The following PPM1L variants were observed in gnomAD, a reference collection of about 807,000 sequenced individuals.
PPM1L encodes the protein protein phosphatase, Mg2+/Mn2+ dependent 1L.
In PPM1L, 13 loss-of-function variants were observed where a neutral mutation model predicts 31.4. The observed-to-expected ratio is 0.41, with a 90% confidence interval of 0.27 to 0.66. The LOEUF (loss-of-function observed/expected upper bound fraction) is 0.66. Ranked by LOEUF, PPM1L falls within the 30% of genes least tolerant of loss-of-function variation. The pLI is 0.29. For synonymous variants in PPM1L, 184 were observed against 175.4 expected (o/e 1.05, Z -0.39); for missense variants, 326 against 453.7 (o/e 0.72, Z 2.56).
At position 160,806,289 on chromosome 3, in the gene PPM1L, C is replaced by A. The variant is rs192945278; in HGVS notation, c.399+49582C>A. 2.7e-4 allele frequency among the ~76,000 whole-genome samples: 41 copies of A among 152,278 alleles called. No homozygotes were observed. In the East Asian group the frequency reaches 6.9e-3, roughly 26 times the overall value. On this transcript the variant is annotated intron_variant, in intron 1 of 3. Transcript: ENST00000498165. ...TCCTGGTTGACTCATACTTAGCTTA[C>A]AAGACCCAGCCTGATCATAGTGCTT...
At chr3:160,797,672 C>A (rs796914801) in intron 1 of PPM1L, among the ~76,000 whole-genome samples, 11 of 152,178 alleles carry the variant, frequency 7.2e-5, no homozygotes, top group Non-Finnish European at 1.2e-4. Context: ...AGTAAGACAG[C>A]CTTCTTGCCA....
chr3:160,828,213 G>A (rs375026776), intron 1 of PPM1L, among the ~76,000 whole-genome samples: 16 of 152,084 alleles, frequency 1.1e-4, no homozygotes, highest in African/African-American at 3.6e-4. Context: ...TAGTGCTTAA[G>A]CATCTTTACA....
intron 2 of PPM1L, among the ~76,000 whole-genome samples, chr3:160,991,469 C>G (rs1469498763): frequency 6.6e-6 from 1 of 152,138 alleles, no homozygotes; most frequent in East Asian, 1.9e-4. Context: ...GGAAAGAAGA[C>G]TCTCAATTAC....
chr3:160,859,854 G>A (rs988889288), intron 1 of PPM1L, among the ~76,000 whole-genome samples: 1 of 152,168 alleles, frequency 6.6e-6, no homozygotes, highest in Non-Finnish European at 1.5e-5. Context: ...GGTTTATGAG[G>A]TGGTGATGTC....
chr3:160,851,975 A>T (rs1196776491), intron 1 of PPM1L, among the ~76,000 whole-genome samples: 1 of 152,188 alleles, frequency 6.6e-6, no homozygotes, highest in Non-Finnish European at 1.5e-5. Context: ...GATAATTAGA[A>T]CTTTGATGAA....
At chr3:160,960,109 T>C (rs1411858031) in intron 1 of PPM1L, among the ~76,000 whole-genome samples, 3 of 152,036 alleles carry the variant, frequency 2.0e-5, no homozygotes, top group African/African-American at 7.2e-5. Context: ...TACTACTCTA[T>C]AAATGAAAAA....
At chr3:160,901,906 G>A (rs1018854081) in intron 1 of PPM1L, among the ~76,000 whole-genome samples, 3 of 151,930 alleles carry the variant, frequency 2.0e-5, no homozygotes, top group Non-Finnish European at 2.9e-5. Context: ...TTGTTTTTGC[G>A]TAAGTTGGTC....
At chr3:160,792,124 T>A (rs759329046) in intron 1 of PPM1L, among the ~76,000 whole-genome samples, 2 of 152,140 alleles carry the variant, frequency 1.3e-5, no homozygotes, top group African/African-American at 2.4e-5. Flanking sequence ...AAGAAAGAAA[T>A]CCTTACTTTT....
intron 2 of PPM1L, among the ~76,000 whole-genome samples, chr3:160,984,977 G>A (rs1716918332): frequency 6.6e-6 from 1 of 152,118 alleles, no homozygotes; most frequent in Admixed American, 6.5e-5. Flanking sequence ...ATTCTATAAT[G>A]CACAGGACAG....
At chr3:161,006,353 A>G (rs1468144235) in intron 2 of PPM1L, among the ~76,000 whole-genome samples, 1 of 152,132 alleles carries the variant, frequency 6.6e-6, no homozygotes, top group African/African-American at 2.4e-5. Context: ...GGCTGAGGGA[A>G]GGGGGAATAG....
chr3:160,913,689 C>T (rs1007982843), intron 1 of PPM1L, among the ~76,000 whole-genome samples: 3 of 152,064 alleles, frequency 2.0e-5, no homozygotes, highest in Admixed American at 6.6e-5. Context: ...GGGGATTCAG[C>T]ATAATGTTTT....
chr3:160,809,953 G>T (rs2108083728), intron 1 of PPM1L, among the ~76,000 whole-genome samples: 1 of 151,956 alleles, frequency 6.6e-6, no homozygotes, highest in East Asian at 1.9e-4. Context: ...GTAAAAAGAG[G>T]GTACTGTTTC....
chr3:160,938,335 C>A (rs1240292686), intron 1 of PPM1L, among the ~76,000 whole-genome samples: 3 of 152,154 alleles, frequency 2.0e-5, no homozygotes, highest in Non-Finnish European at 2.9e-5. Flanking sequence ...TTCAATGATA[C>A]ATGAAAATAT....
At chr3:160,845,708 T>G (rs1272441994) in intron 1 of PPM1L, among the ~76,000 whole-genome samples, 1 of 152,046 alleles carries the variant, frequency 6.6e-6, no homozygotes, top group Non-Finnish European at 1.5e-5. Flanking sequence ...TTCTAAAAAT[T>G]ATATAGGTTT....
intron 1 of PPM1L, among the ~76,000 whole-genome samples, chr3:160,923,574 A>G (rs1421259983): frequency 6.6e-6 from 1 of 152,198 alleles, no homozygotes; most frequent in Non-Finnish European, 1.5e-5. Flanking sequence ...TTCTTCTCTC[A>G]CTATTGCTCT....
intron 1 of PPM1L, among the ~76,000 whole-genome samples, chr3:160,944,056 G>C (rs891745139): frequency 1.3e-5 from 2 of 152,048 alleles, no homozygotes; most frequent in Non-Finnish European, 1.5e-5. Context: ...GATCATCCTT[G>C]TTTATGGACT....
At chr3:160,840,597 A>G (rs1182025574) in intron 1 of PPM1L, among the ~76,000 whole-genome samples, 1 of 151,948 alleles carries the variant, frequency 6.6e-6, no homozygotes, top group African/African-American at 2.4e-5. Flanking sequence ...GCCTGGTGTA[A>G]CTCTCAATCT....
intron 1 of PPM1L, among the ~76,000 whole-genome samples, chr3:160,947,931 C>G (rs956547645): frequency 6.6e-6 from 1 of 152,130 alleles, no homozygotes; most frequent in Non-Finnish European, 1.5e-5. Context: ...ATTAAGAAAG[C>G]GTTCAAGCTC....
chr3:160,988,463 C>G (rs1717035066), intron 2 of PPM1L, among the ~76,000 whole-genome samples: 1 of 152,120 alleles, frequency 6.6e-6, no homozygotes, highest in Non-Finnish European at 1.5e-5. Context: ...CTGTCAGCCC[C>G]AGTCAATAAT....
Sources: gnomAD v4.1 joint callset for allele counts (sites outside exome capture counted in the v4.1 genomes callset) on GRCh38, gnomAD v4.1.1 for gene constraint, MANE v1.5 for transcripts, NCBI Gene and HGNC (gene_info 2026-07-23, HGNC 2026-07-21) for gene names.